VPS8: variants seen among roughly 807,000 people sequenced by gnomAD.
VPS8 encodes the protein vacuolar protein sorting-associated protein 8 homolog.
Under a neutral mutation model 216.4 loss-of-function variants are expected in VPS8, and 129 were observed. That is an observed-to-expected ratio of 0.60 (90% confidence interval 0.52 to 0.69). VPS8 has a LOEUF of 0.69. Among genes scored for constraint, VPS8 ranks in the 30% least tolerant of loss-of-function variants. The pLI is 0.00. For synonymous variants in VPS8, 571 were observed against 565.4 expected (o/e 1.01, Z -0.14); for missense variants, 1,531 against 1,683.5 (o/e 0.91, Z 1.59).
In VPS8 at chr3:185,051,921, T is replaced by C. The variant is rs750994899; in HGVS notation, c.4183T>C (p.Tyr1395His). 1 of 1,613,492 alleles carries C rather than the reference T, an allele frequency of 6.2e-7. No homozygotes were observed. The highest frequency in any genetic ancestry group is 1.1e-5 in the South Asian group (1 of 90,894). ...CTCCCAGAATCGCAGCAGCGAGAGC[T>C]ATAGGCCATTCAGTGGCTCGCAGAG... ...ELSQNRSSES[Y>H]RPFSGSQSAP... Residue 1395 changes from tyrosine to histidine, a missense_variant, in exon 48 of 48, where the codon TAT becomes CAT. Physicochemically the swap from Tyr to His is moderately conservative, Grantham distance 83. Around this residue, in one of 3 missense-constraint regions of VPS8, gnomAD observed 1,318 missense variants for 1,468.4 expected, o/e 0.90. Transcript: ENST00000625842.
Position 184,990,336 on chromosome 3 carries a change from A to G in VPS8, c.3586-3647A>G, listed in dbSNP as rs571643749. Among the ~76,000 whole-genome samples the G allele has an allele frequency of 2.0e-5, 3 of 152,288 alleles. No homozygotes were observed. In the South Asian group the frequency reaches 6.2e-4, roughly 32 times the overall value. ...TAAACTCTTTTTGAGCCCTGCCTTC[A>G]TATTAGCTTACCCCCGAGGCTGTGA... On this transcript the variant is annotated intron_variant, in intron 42 of 47. Coordinates refer to ENST00000625842, the MANE Select transcript of VPS8 (RefSeq NM_001009921.3).
At chr3:184,840,140 C>T (rs34782909) in intron 7 of VPS8, 1 of 161,244 alleles carries the variant, frequency 6.2e-6, no homozygotes, top group Non-Finnish European at 1.3e-5. Flanking sequence ...AACAGGCTTT[C>T]TCAGTAATTT....
In VPS8 at chr3:184,855,800, T is replaced by C. The variant is rs1725133778; in HGVS notation, c.1125T>C (p.Asp375=). The C allele has an allele frequency of 1.2e-6, 2 of 1,613,112 alleles. No individual in the cohort carries two copies. Among genetic ancestry groups the C allele is most frequent in the Non-Finnish European group, 8.5e-7 (1 of 1,179,564 alleles). The change falls in exon 14 of 48, where the codon GAT becomes GAC. Residue 375 remains aspartate (D), a synonymous_variant. Transcript: ENST00000625842. ...VNPMLAFCRG[D]VVHFLLVKRD... ...CCATGCTTGCCTTCTGCAGAGGAGATGTTGTTCATTTTCTATTGGTAAGTC... is the reference window on the plus strand; with the variant it reads ...CCATGCTTGCCTTCTGCAGAGGAGACGTTGTTCATTTTCTATTGGTAAGTC...
intron 46 of VPS8, among the ~76,000 whole-genome samples, chr3:185,038,969 C>T (rs1172913662): frequency 6.6e-6 from 1 of 152,212 alleles, no homozygotes; most frequent in Non-Finnish European, 1.5e-5. Context: ...TACCTCTTGA[C>T]TGCGCTCAGC....
chr3:185,050,593 G>A (rs984800912), intron 47 of VPS8, among the ~76,000 whole-genome samples: 1 of 152,204 alleles, frequency 6.6e-6, no homozygotes, highest in African/African-American at 2.4e-5. Context: ...ATCCCACACC[G>A]CCACTCACTG....
chr3:184,884,544 G>C (rs1730859311), intron 21 of VPS8, among the ~76,000 whole-genome samples: 1 of 152,122 alleles, frequency 6.6e-6, no homozygotes, highest in Non-Finnish European at 1.5e-5. Flanking sequence ...CAGATTCTTG[G>C]TGAGTATAAA....
intron 34 of VPS8, 75 bp downstream of exon 34, chr3:184,930,643 C>T: frequency 9.6e-7 from 1 of 1,037,844 alleles, no homozygotes; most frequent in Non-Finnish European, 1.5e-6. Context: ...GCCAACGAAG[C>T]AATGGCATGT....
chr3:184,935,724 CAA>C (rs1741490138), intron 34 of VPS8, among the ~76,000 whole-genome samples: 1 of 152,152 alleles, frequency 6.6e-6, no homozygotes, highest in Admixed American at 6.5e-5. Flanking sequence ...ATTTTATTAA[CAA>C]TGTTTAATTA....
At chr3:185,045,255 G>A (rs144926784) in intron 46 of VPS8, among the ~76,000 whole-genome samples, 2 of 152,342 alleles carry the variant, frequency 1.3e-5, no homozygotes, top group African/African-American at 4.8e-5. Context: ...ATTAGGAAAG[G>A]AAGTGTTAGG....
At chr3:185,007,376 C>G (rs966239277) in intron 45 of VPS8, among the ~76,000 whole-genome samples, 6 of 152,244 alleles carry the variant, frequency 3.9e-5, no homozygotes, top group African/African-American at 9.6e-5. Context: ...TAAATTTCAC[C>G]TTTGATTATT....
chr3:185,048,415 A>G (rs77649285), intron 46 of VPS8, 64 bp from the exon 47 acceptor site: 81,525 of 1,491,868 alleles, frequency 0.055, 2,643 homozygotes, highest in Non-Finnish European at 0.06. Flanking sequence ...AGCATCGTGT[A>G]GAGCAAGTTG....
At chr3:184,819,493 C>A (rs1300484493) in intron 1 of VPS8, among the ~76,000 whole-genome samples, 1 of 152,116 alleles carries the variant, frequency 6.6e-6, no homozygotes, top group Non-Finnish European at 1.5e-5. Context: ...ACTGGGATAA[C>A]ATTTAAGGGA....
intron 36 of VPS8, among the ~76,000 whole-genome samples, chr3:184,944,093 T>G (rs1249910715): frequency 6.6e-6 from 1 of 152,124 alleles, no homozygotes; most frequent in East Asian, 1.9e-4. Flanking sequence ...CAAGTTGTTT[T>G]TGAGGGGGTA....
At chr3:184,934,507 T>G (rs544791919) in intron 34 of VPS8, among the ~76,000 whole-genome samples, 1 of 152,296 alleles carries the variant, frequency 6.6e-6, no homozygotes, top group East Asian at 1.9e-4. Context: ...AACTTCATAT[T>G]TTTAATGCTG....
chr3:184,902,995 A>G (rs904792163), intron 25 of VPS8, among the ~76,000 whole-genome samples: 2 of 152,146 alleles, frequency 1.3e-5, no homozygotes. Context: ...ATTTTTTTCC[A>G]TACAGCTATC....
chr3:184,952,536 A>C (rs62289466), intron 36 of VPS8, among the ~76,000 whole-genome samples: 80,568 of 152,002 alleles, frequency 0.53, 22,663 homozygotes, highest in Middle Eastern at 0.69. Context: ...GAAAATAAGC[A>C]GTTCAAGGGA....
chr3:185,001,969 A>T (rs551101696), intron 45 of VPS8, among the ~76,000 whole-genome samples: 1 of 152,214 alleles, frequency 6.6e-6, no homozygotes, highest in African/African-American at 2.4e-5. Flanking sequence ...GACATGAGGG[A>T]TCATGGAAGG....
chr3:184,882,723 A>G (rs1345688500), intron 21 of VPS8, among the ~76,000 whole-genome samples: 1 of 152,140 alleles, frequency 6.6e-6, no homozygotes, highest in Non-Finnish European at 1.5e-5. Context: ...TAAGTTATGA[A>G]TTCAATTTCC....
Position 184,915,028 on chromosome 3 carries a change from ATCTGGTTCCCTTGG to A in VPS8, c.2239_2252del (p.Leu747Ter), listed in dbSNP as rs1737282009. 1.2e-6 allele frequency: 2 copies of A among 1,613,828 alleles called. No individual in the cohort carries two copies. Among genetic ancestry groups the A allele is most frequent in the Non-Finnish European group, 1.7e-6 (2 of 1,179,872 alleles). ...TATCCCCTTGGTGACATCCCTGAAG[ATCTGGTTCCCTTGG>A]TTAAAAACCAGGTTGGTACTATTTT... On this transcript the variant is annotated frameshift_variant, in exon 27 of 48. Coordinates refer to ENST00000625842, the MANE Select transcript of VPS8 (RefSeq NM_001009921.3). LOFTEE classifies it high-confidence loss of function.
Sources: allele counts gnomAD v4.1 joint callset (sites outside exome capture counted in the v4.1 genomes callset), GRCh38; gene constraint gnomAD v4.1.1; regional missense constraint gnomAD v4.1.1; transcripts MANE v1.5; gene names NCBI Gene and HGNC (gene_info 2026-07-23, HGNC 2026-07-21).